The following DSE variants were observed in gnomAD, a reference collection of about 807,000 sequenced individuals.
DSE encodes the protein dermatan sulfate epimerase.
In DSE, 36 loss-of-function variants were observed where a neutral mutation model predicts 84.4. That is an observed-to-expected ratio of 0.43 (90% CI 0.33 to 0.56). The LOEUF (loss-of-function observed/expected upper bound fraction) is 0.56, where lower values mean the gene tolerates loss of function less well. Ranked by LOEUF, DSE falls within the 20% of genes least tolerant of loss-of-function variation. The probability of loss-of-function intolerance (pLI) is 0.06; values close to 1 mark genes in which losing one functional copy is unlikely to be tolerated. For synonymous variants in DSE, 410 were observed against 430.1 expected (o/e 0.95, Z 0.58); for missense variants, 862 against 1,169.6 (o/e 0.74, Z 3.84).
intron 2 of DSE, among the ~76,000 whole-genome samples, chr6:116,337,600 A>G (rs955557750): frequency 6.6e-6 from 1 of 152,238 alleles, no homozygotes; most frequent in Non-Finnish European, 1.5e-5. Flanking sequence ...TGACAGAGCA[A>G]GACTCCATCT....
At chr6:116,301,811 G>A (rs927462015) in intron 2 of DSE, among the ~76,000 whole-genome samples, 1 of 152,120 alleles carries the variant, frequency 6.6e-6, no homozygotes, top group African/African-American at 2.4e-5. Context: ...GCAGGCTCCG[G>A]TGTGTGATGT....
intron 2 of DSE, among the ~76,000 whole-genome samples, chr6:116,407,015 A>G (rs533870352): frequency 6.6e-6 from 1 of 152,350 alleles, no homozygotes; most frequent in South Asian, 2.1e-4. Context: ...AGAAGAAAGT[A>G]TAAATTTAAG....
At chr6:116,315,329 G>GATAT (rs67864536) in intron 2 of DSE, among the ~76,000 whole-genome samples, 31,651 of 147,378 alleles carry the variant, frequency 0.21, 4,455 homozygotes, top group Non-Finnish European at 0.33. Flanking sequence ...CACCTTCTGA[G>GATAT]ATATATATAT....
chr6:116,435,004 G>A (rs1784060776), intron 5 of DSE, among the ~76,000 whole-genome samples: 1 of 152,150 alleles, frequency 6.6e-6, no homozygotes, highest in Admixed American at 6.5e-5. Flanking sequence ...ATATAAGACA[G>A]TTTGCTGAAA....
At chr6:116,375,804 A>G (rs1779888016) in intron 1 of DSE, among the ~76,000 whole-genome samples, 2 of 152,228 alleles carry the variant, frequency 1.3e-5, no homozygotes, top group South Asian at 4.1e-4. Context: ...CAGTACTTTT[A>G]ACTTTTTTTT....
At chr6:116,415,865 T>C (rs924161891) in intron 2 of DSE, among the ~76,000 whole-genome samples, 1 of 152,192 alleles carries the variant, frequency 6.6e-6, no homozygotes, top group Non-Finnish European at 1.5e-5. Context: ...CTTGACTGCC[T>C]AAAAATGCAT....
Position 116,280,074 on chromosome 6 carries a change from A to T in DSE, c.-54+21107A>T, listed in dbSNP as rs969034234. 110 of 606,884 alleles carry T rather than the reference A, an allele frequency of 1.8e-4. 1 individual carries two copies. The South Asian group carries it at 2.1e-3, about 11-fold the overall frequency. The allele number at this position is 606,884 out of a possible 1,614,324, so 37.6% of individuals were successfully genotyped here. A position where few individuals can be genotyped will look rare whatever the true frequency, so the allele number is the denominator to read the frequency against. On this transcript the variant is annotated intron_variant, in intron 2 of 3. Coordinates refer to the DSE transcript ENST00000430252. ...CTGTGAATTTACCCATAGCAACAGT[A>T]ATTTTACCTACGTAAATAAATGTCG...
intron 2 of DSE, among the ~76,000 whole-genome samples, chr6:116,333,779 A>G (rs1429852469): frequency 6.6e-6 from 1 of 152,234 alleles, no homozygotes; most frequent in Non-Finnish European, 1.5e-5. Context: ...TTCCTTATAC[A>G]TTTATAAATT....
chr6:116,421,382 A>G (rs1451527110), intron 2 of DSE, among the ~76,000 whole-genome samples: 1 of 144,142 alleles, frequency 6.9e-6, no homozygotes, highest in Non-Finnish European at 1.5e-5. Context: ...ATATTTATAT[A>G]TTGTCAAAGC....
At position 116,435,851 on chromosome 6, in the gene DSE, T is replaced by C; in HGVS notation, c.1383T>C (p.Ala461=). 2 of 1,614,190 alleles carry C rather than the reference T, an allele frequency of 1.2e-6. No homozygotes were observed. Among genetic ancestry groups the C allele is most frequent in the Non-Finnish European group, 1.7e-6 (2 of 1,180,028 alleles). The change falls in exon 6 of 6, where the codon GCT becomes GCC. Residue 461 remains alanine (A), a synonymous_variant. Coordinates refer to ENST00000644252, the MANE Select transcript of DSE (RefSeq NM_013352.4). ...CTGATCAAAACTCATTTACTTTTGC[T>C]CCCAATGGTGTGCCTTTCATTACTG... ...EHPDQNSFTF[A]PNGVPFITEA...
chr6:116,305,032 C>T (rs984477136), intron 2 of DSE, among the ~76,000 whole-genome samples: 6 of 152,156 alleles, frequency 3.9e-5, no homozygotes, highest in African/African-American at 1.4e-4. Context: ...AAAATCAAAA[C>T]TGGTCATCTC....
In DSE at chr6:116,399,390, A is replaced by G; in HGVS notation, c.140A>G (p.Tyr47Cys). ...NANYDSHPML[Y>C]FSRAEVAELQ... ...AACTACGACAGCCATCCCATGCTGT[A>G]CTTCTCCAGGGCAGAAGTGGCGGAG... The change falls in exon 2 of 6, where the codon TAC becomes TGC. Residue 47 changes from tyrosine (Y) to cysteine (C), a missense_variant. Transcript: ENST00000644252. The G allele has an allele frequency of 6.2e-7, 1 of 1,614,148 alleles. No homozygotes were observed. Among genetic ancestry groups the G allele is most frequent in the Non-Finnish European group, 8.5e-7 (1 of 1,180,046 alleles).
At chr6:116,301,598 A>G (rs545320143) in intron 2 of DSE, among the ~76,000 whole-genome samples, 1 of 152,224 alleles carries the variant, frequency 6.6e-6, no homozygotes, top group East Asian at 1.9e-4. Context: ...TCCTTACTTA[A>G]ACCGCCTCAA....
At chr6:116,305,615 C>T (rs1775296537) in intron 2 of DSE, among the ~76,000 whole-genome samples, 1 of 151,918 alleles carries the variant, frequency 6.6e-6, no homozygotes, top group African/African-American at 2.4e-5. Context: ...ATAATTATAC[C>T]GTAGCTATAG....
At chr6:116,259,920 T>G (rs1326049618) in intron 2 of DSE, among the ~76,000 whole-genome samples, 1 of 152,230 alleles carries the variant, frequency 6.6e-6, no homozygotes, top group East Asian at 1.9e-4. Context: ...TTCCATGGCT[T>G]TGCTATGTGA....
At chr6:116,285,933 A>G (rs542555435) in intron 2 of DSE, among the ~76,000 whole-genome samples, 1 of 152,226 alleles carries the variant, frequency 6.6e-6, no homozygotes, top group South Asian at 2.1e-4. Context: ...GCCTTGTAGT[A>G]TAGTTTGAAG....
At chr6:116,369,254 A>G (rs544591172), upstream of DSE, among the ~76,000 whole-genome samples, 1 of 152,326 alleles carries the variant, frequency 6.6e-6, no homozygotes, top group Non-Finnish European at 1.5e-5. Flanking sequence ...ACTGAACTAG[A>G]CTACTACTTG....
At chr6:116,259,502 T>C (rs1772311904) in intron 2 of DSE, among the ~76,000 whole-genome samples, 1 of 152,220 alleles carries the variant, frequency 6.6e-6, no homozygotes, top group Admixed American at 6.5e-5. Context: ...AAGACACATC[T>C]TTTTTCCCCA....
rs577156045 is a variant in DSE at position 116,415,599 on chromosome 6, C to CT, written c.417-10963dup. The stretch of plus-strand genomic sequence containing the variant: ...ATGTTTAACCTCTTGGGCCAGTCCT[C>CT]TTTTTTTTTTTTCCTCTGCTGTTTT... On this transcript the variant is annotated intron_variant, in intron 2 of 5. Coordinates refer to ENST00000644252, the MANE Select transcript of DSE (RefSeq NM_013352.4). Among the ~76,000 whole-genome samples, 1,290 of 132,386 alleles carry CT rather than the reference C, an allele frequency of 9.7e-3. 21 individuals are homozygous for CT. Among genetic ancestry groups the CT allele is most frequent in the South Asian group, 0.041 (171 of 4,202 alleles). 86.9% of individuals were successfully genotyped at this position (132,386 alleles called of 152,430 possible). A position where few individuals can be genotyped will look rare whatever the true frequency, so the allele number is the denominator to read the frequency against.
Sources: gnomAD v4.1 joint callset for allele counts (sites outside exome capture counted in the v4.1 genomes callset) on GRCh38, gnomAD v4.1.1 for gene constraint, MANE v1.5 for transcripts, NCBI Gene and HGNC (gene_info 2026-07-23, HGNC 2026-07-21) for gene names.